Variants in B3GALT1 observed in about 807,000 individuals in gnomAD.
B3GALT1 encodes the protein UDP-Gal:betaGlcNAc beta 1,3-galactosyltransferase, polypeptide 1.
B3GALT1 carries 10 observed loss-of-function variants against 23.2 expected under a neutral mutation model. The ratio of observed to expected loss-of-function variants is 0.43; its 90% CI spans 0.27 to 0.73. The LOEUF (loss-of-function observed/expected upper bound fraction) is 0.73. Ranked by LOEUF, B3GALT1 falls within the 30% of genes least tolerant of loss-of-function variation. B3GALT1 has a pLI of 0.21. For synonymous variants in B3GALT1, 156 were observed against 141.5 expected (o/e 1.10, Z -0.73); for missense variants, 299 against 405.4 (o/e 0.74, Z 2.25).
At chr2:167,525,834 A>G (rs1165779738) in intron 2 of B3GALT1, among the ~76,000 whole-genome samples, 1 of 151,300 alleles carries the variant, frequency 6.6e-6, no homozygotes, top group Non-Finnish European at 1.5e-5. Flanking sequence ...GGTAGGTCTC[A>G]AACTCCTCAG....
intron 1 of B3GALT1, among the ~76,000 whole-genome samples, chr2:167,369,228 G>A (rs1409948820): frequency 1.3e-5 from 2 of 151,996 alleles, no homozygotes; most frequent in South Asian, 2.1e-4. Flanking sequence ...GCCTCTGTAT[G>A]CTGACATGTG....
intron 2 of B3GALT1, among the ~76,000 whole-genome samples, chr2:167,638,065 TC>T (rs1203259118): frequency 8.6e-5 from 13 of 152,022 alleles, no homozygotes; most frequent in African/African-American, 3.1e-4. Context: ...ATATAATACT[TC>T]TTTGGATATA....
At chr2:167,437,967 A>G (rs1363223433) in intron 1 of B3GALT1, among the ~76,000 whole-genome samples, 1 of 152,216 alleles carries the variant, frequency 6.6e-6, no homozygotes, top group East Asian at 1.9e-4. Flanking sequence ...TGTGTAACAA[A>G]ATATTAAAAT....
chr2:167,512,568 GTA>G lies in B3GALT1; in HGVS notation c.-410+22301_-410+22302del, dbSNP rs66968215. On this transcript the variant is annotated intron_variant, in intron 2 of 4. Coordinates refer to ENST00000392690, the MANE Select transcript of B3GALT1 (RefSeq NM_020981.4). Reference sequence around the variant, plus strand: ...TATGTATATATATGTATATATATATGTATATATATATGTATATATATATGTGT... The same window carrying G: ...TATGTATATATATGTATATATATATGTATATATATGTATATATATATGTGT... 5.9e-3 allele frequency among the ~76,000 whole-genome samples: 228 copies of G among 38,708 alleles called. 10 individuals carry two copies. The highest frequency in any genetic ancestry group is 0.054 in the East Asian group (10 of 186). The allele number at this position is 38,708 out of a possible 152,430, so 25.4% of individuals were successfully genotyped here. A position where few individuals can be genotyped will look rare whatever the true frequency, so the allele number is the denominator to read the frequency against.
chr2:167,553,749 T>A (rs1411912698), intron 2 of B3GALT1, among the ~76,000 whole-genome samples: 2 of 152,208 alleles, frequency 1.3e-5, no homozygotes, highest in Non-Finnish European at 2.9e-5. Context: ...CAATTTAAAC[T>A]TGTAATTTTG....
intron 4 of B3GALT1, among the ~76,000 whole-genome samples, chr2:167,852,821 G>A (rs36096871): frequency 0.031 from 4,739 of 152,134 alleles, 83 homozygotes; most frequent in East Asian, 0.066. Flanking sequence ...ACTGGATGAC[G>A]AATTACTGTT....
intron 3 of B3GALT1, among the ~76,000 whole-genome samples, chr2:167,738,798 C>CTTTA (rs371735399): frequency 2.9e-5 from 2 of 69,340 alleles, no homozygotes; most frequent in African/African-American, 9.1e-5. Context: ...TCTTTGTATA[C>CTTTA]TTTTGTGGGA....
chr2:167,614,657 GA>G (rs1340653882), intron 2 of B3GALT1, among the ~76,000 whole-genome samples: 1 of 151,958 alleles, frequency 6.6e-6, no homozygotes, highest in Admixed American at 6.6e-5. Flanking sequence ...AGTATGGAAC[GA>G]ATAGATATTT....
chr2:167,406,190 G>A (rs1294223194), intron 1 of B3GALT1, among the ~76,000 whole-genome samples: 1 of 151,876 alleles, frequency 6.6e-6, no homozygotes, highest in Non-Finnish European at 1.5e-5. Context: ...AAATGTGAAG[G>A]GCAAAACAAT....
intron 3 of B3GALT1, among the ~76,000 whole-genome samples, chr2:167,792,887 G>A (rs1365949931): frequency 6.7e-6 from 1 of 149,854 alleles, no homozygotes; most frequent in Non-Finnish European, 1.5e-5. Flanking sequence ...AACTAAGGAG[G>A]TCAAATGGAT....
At chr2:167,298,408 A>G (rs934675148) in intron 1 of B3GALT1, among the ~76,000 whole-genome samples, 2 of 152,134 alleles carry the variant, frequency 1.3e-5, no homozygotes, top group African/African-American at 4.8e-5. Flanking sequence ...TGTGCATTTT[A>G]TTATTTTAAT....
intron 1 of B3GALT1, among the ~76,000 whole-genome samples, chr2:167,417,818 A>G (rs547371674): frequency 8.7e-4 from 133 of 152,338 alleles, no homozygotes; most frequent in African/African-American, 3.1e-3. Flanking sequence ...CTCTGACAAA[A>G]TGAGTTTTCC....
At chr2:167,545,702 C>T (rs1683625617) in intron 2 of B3GALT1, among the ~76,000 whole-genome samples, 1 of 152,110 alleles carries the variant, frequency 6.6e-6, no homozygotes. Context: ...ACCAGCTGGT[C>T]ACATTCAAAG....
chr2:167,842,158 A>G (rs1237278432), intron 4 of B3GALT1, among the ~76,000 whole-genome samples: 3 of 152,238 alleles, frequency 2.0e-5, no homozygotes, highest in Admixed American at 6.5e-5. Context: ...ATAAAAGCCA[A>G]TGGTCAAAAC....
chr2:167,793,285 A>G (rs1434121095), intron 3 of B3GALT1, among the ~76,000 whole-genome samples: 3 of 152,190 alleles, frequency 2.0e-5, no homozygotes, highest in East Asian at 1.9e-4. Flanking sequence ...AGCCATTTCC[A>G]GAATCTCACA....
intron 1 of B3GALT1, among the ~76,000 whole-genome samples, chr2:167,435,005 G>T (rs1019919402): frequency 6.6e-6 from 1 of 151,914 alleles, no homozygotes; most frequent in African/African-American, 2.4e-5. Flanking sequence ...ACTGGGGCTT[G>T]TTCTTAAAGC....
At chr2:167,727,094 G>A (rs1352001548) in intron 3 of B3GALT1, among the ~76,000 whole-genome samples, 2 of 147,374 alleles carry the variant, frequency 1.4e-5, no homozygotes, top group Non-Finnish European at 3.0e-5. Context: ...ACCAGTACAA[G>A]GCATCTTTAC....
At chr2:167,400,188 G>C (rs1310947159) in intron 1 of B3GALT1, among the ~76,000 whole-genome samples, 2 of 151,542 alleles carry the variant, frequency 1.3e-5, no homozygotes, top group African/African-American at 4.9e-5. Context: ...GTGTGTGTGT[G>C]TGTGTCTGTG....
intron 1 of B3GALT1, among the ~76,000 whole-genome samples, chr2:167,321,824 T>C (rs1164187439): frequency 1.3e-5 from 2 of 152,068 alleles, no homozygotes; most frequent in Non-Finnish European, 2.9e-5. Flanking sequence ...CTTCCCAATA[T>C]GGTAATCTAA....
Sources: gnomAD v4.1 joint callset for allele counts (sites outside exome capture counted in the v4.1 genomes callset) on GRCh38, gnomAD v4.1.1 for gene constraint, MANE v1.5 for transcripts, NCBI Gene and HGNC (gene_info 2026-07-23, HGNC 2026-07-21) for gene names.